CBLB: variants seen among roughly 807,000 people sequenced by gnomAD.
The protein encoded by CBLB is E3 ubiquitin-protein ligase CBL-B.
CBLB carries 31 observed loss-of-function variants against 104.9 expected under a neutral mutation model. The ratio of observed to expected loss-of-function variants is 0.30; its 90% CI spans 0.22 to 0.40. CBLB has a LOEUF of 0.40. Among genes scored for constraint, CBLB ranks in the 10% least tolerant of loss-of-function variants. CBLB has a pLI of 1.00. For missense variants in CBLB, 1,062 were observed against 1,214.6 expected (o/e 0.87, Z 1.87); for synonymous variants, 440 against 422.6 (o/e 1.04, Z -0.51).
intron 3 of CBLB, among the ~76,000 whole-genome samples, chr3:105,840,598 A>G (rs912007666): frequency 6.6e-6 from 1 of 152,128 alleles, no homozygotes; most frequent in Admixed American, 6.5e-5. Flanking sequence ...TGGTAACGAA[A>G]CTTCATTTAG....
intron 16 of CBLB, among the ~76,000 whole-genome samples, chr3:105,680,361 A>G (rs1425989884): frequency 1.3e-5 from 2 of 152,200 alleles, no homozygotes; most frequent in Non-Finnish European, 2.9e-5. Flanking sequence ...TCACCCATCC[A>G]CATTTAGCTA....
chr3:105,692,378 A>T (rs1269325774), intron 13 of CBLB, among the ~76,000 whole-genome samples: 1 of 152,202 alleles, frequency 6.6e-6, no homozygotes, highest in Middle Eastern at 3.2e-3. Flanking sequence ...GGCAGAGTAT[A>T]TAATTAAATG....
upstream of CBLB, chr3:105,869,424 C>G (rs1164017698): frequency 1.5e-6 from 2 of 1,328,152 alleles, no homozygotes; most frequent in Non-Finnish European, 2.0e-6. Context: ...GCTTCGCTTA[C>G]CTTCCTAGTC....
chr3:105,769,021 A>G (rs1051151455), intron 4 of CBLB, among the ~76,000 whole-genome samples: 4 of 152,214 alleles, frequency 2.6e-5, no homozygotes, highest in African/African-American at 9.6e-5. Context: ...TAGTCTGTTA[A>G]CAATTATTGC....
chr3:105,832,951 T>C (rs2087797178), intron 3 of CBLB, among the ~76,000 whole-genome samples: 2 of 152,150 alleles, frequency 1.3e-5, no homozygotes, highest in South Asian at 2.1e-4. Flanking sequence ...AAGGCCTCTC[T>C]GAGGAAATGA....
At chr3:105,749,912 TAAAATAATC>T (rs2076439708) in intron 5 of CBLB, 1 of 161,680 alleles carries the variant, frequency 6.2e-6, no homozygotes, top group Admixed American at 6.5e-5. Context: ...TTAAAAAATT[TAAAATAATC>T]AAAAGCACAC....
intron 3 of CBLB, 94 bp from the exon 4 acceptor site, chr3:105,776,636 T>C (rs2079509112): frequency 1.7e-6 from 2 of 1,168,448 alleles, no homozygotes; most frequent in Middle Eastern, 1.9e-4. Flanking sequence ...AACAATGTTA[T>C]GTATGTATCA....
intron 10 of CBLB, among the ~76,000 whole-genome samples, chr3:105,705,335 A>G (rs1485442183): frequency 6.6e-6 from 1 of 152,208 alleles, no homozygotes; most frequent in East Asian, 1.9e-4. Context: ...TTAATTAACT[A>G]AAATCCATAG....
chr3:105,771,486 C>T (rs1344007342), intron 4 of CBLB, among the ~76,000 whole-genome samples: 1 of 151,864 alleles, frequency 6.6e-6, no homozygotes, highest in East Asian at 1.9e-4. Flanking sequence ...ATAAAGATCC[C>T]CACCTTCACC....
At chr3:105,751,683 G>A in intron 4 of CBLB, 65 bp from the exon 5 acceptor site, 1 of 1,190,876 alleles carries the variant, frequency 8.4e-7, no homozygotes, top group Non-Finnish European at 1.3e-6. Flanking sequence ...ACCTCCCTTT[G>A]AAGCAGCAAA....
intron 7 of CBLB, 116 bp downstream of exon 7, chr3:105,740,378 T>A: frequency 1.0e-6 from 1 of 1,003,230 alleles, no homozygotes. Flanking sequence ...ACATCCATTA[T>A]TTCTCAGTCT....
rs1244724286 is a variant in CBLB at position 105,670,752 on chromosome 3, C to T, written c.2570-400G>A. ...ACATAAAACCATGGGTTTGGATCCTCCCTATAAGAGTATTATCAAATTACT... is the reference window on the plus strand; with the variant it reads ...ACATAAAACCATGGGTTTGGATCCTTCCTATAAGAGTATTATCAAATTACT... On this transcript the variant is annotated intron_variant, in intron 17 of 18. Coordinates refer to ENST00000394030, the MANE Select transcript of CBLB (RefSeq NM_170662.5). 5 of 204,984 alleles carry T rather than the reference C, an allele frequency of 2.4e-5. No homozygotes were observed. The East Asian group carries it at 6.8e-4, about 28-fold the overall frequency. The allele number at this position is 204,984 out of a possible 1,614,324, so 12.7% of individuals were successfully genotyped here. A position where few individuals can be genotyped will look rare whatever the true frequency, so the allele number is the denominator to read the frequency against.
chr3:105,675,473 AAAATCT>A (rs2065503007), intron 17 of CBLB, among the ~76,000 whole-genome samples: 1 of 152,234 alleles, frequency 6.6e-6, no homozygotes, highest in Non-Finnish European at 1.5e-5. Flanking sequence ...ATCAGCCAAA[AAAATCT>A]TTATGCTCTA....
rs2080215596 is a variant in CBLB, at chr3:105,781,150, C to A, written c.420-4608G>T. On this transcript the variant is annotated intron_variant, in intron 3 of 18. Transcript: ENST00000394030. ...GAGAGAGAGATGTGAAATGAATCCA[C>A]AACGTCATCATCTAAGCAACAAGGT... 2.0e-5 allele frequency among the ~76,000 whole-genome samples: 3 copies of A among 152,250 alleles called. No homozygotes were observed. The South Asian group carries it at 6.2e-4, about 32-fold the overall frequency.
chr3:105,741,107 T>TTG (rs1553758321), intron 6 of CBLB, among the ~76,000 whole-genome samples: 6 of 147,406 alleles, frequency 4.1e-5, no homozygotes, highest in African/African-American at 1.5e-4. Flanking sequence ...TTTTTTTTTT[T>TTG]TTTTTTTTTT....
At chr3:105,775,007 AT>A (rs1430758491) in intron 4 of CBLB, among the ~76,000 whole-genome samples, 2 of 152,214 alleles carry the variant, frequency 1.3e-5, no homozygotes, top group African/African-American at 4.8e-5. Context: ...ACCTGGCAAG[AT>A]TGTTCTGCTT....
chr3:105,776,030 T>C (rs888512671), intron 4 of CBLB, among the ~76,000 whole-genome samples: 3 of 152,140 alleles, frequency 2.0e-5, no homozygotes, highest in Non-Finnish European at 4.4e-5. Context: ...ACTTATGCCA[T>C]TTTTTAAAGT....
rs1341035860 is a variant in CBLB, at chr3:105,854,304, C to G, written c.169-640G>C. Among the ~76,000 whole-genome samples, 3 of 152,206 alleles carry G rather than the reference C, an allele frequency of 2.0e-5. No homozygotes were observed. In the South Asian group the frequency reaches 6.2e-4, roughly 31 times the overall value. On this transcript the variant is annotated intron_variant, in intron 2 of 18. Coordinates refer to ENST00000394030, the MANE Select transcript of CBLB (RefSeq NM_170662.5). ...GCCCAACCACTGGGGCGTTCAGGGGCTGCCTGCAGAACTGAAAGTACCTTC... is the reference window on the plus strand; with the variant it reads ...GCCCAACCACTGGGGCGTTCAGGGGGTGCCTGCAGAACTGAAAGTACCTTC...
chr3:105,745,204 C>T (rs1208298259), intron 6 of CBLB, among the ~76,000 whole-genome samples: 1 of 152,018 alleles, frequency 6.6e-6, no homozygotes, highest in East Asian at 1.9e-4. Context: ...CTACTATGGG[C>T]CTAATGCATT....
Sources: gnomAD v4.1 joint callset for allele counts (sites outside exome capture counted in the v4.1 genomes callset) on GRCh38, gnomAD v4.1.1 for gene constraint, MANE v1.5 for transcripts, NCBI Gene and HGNC (gene_info 2026-07-23, HGNC 2026-07-21) for gene names.